CDC37L1: variants seen among roughly 807,000 people sequenced by gnomAD.
The protein encoded by CDC37L1 is cell division cycle 37 like 1, HSP90 cochaperone.
Under a neutral mutation model 45.9 loss-of-function variants are expected in CDC37L1, and 32 were observed. That is an observed-to-expected ratio of 0.70 (90% CI 0.53 to 0.94). The LOEUF is 0.94. Ranked by LOEUF, CDC37L1 falls within the 40% of genes least tolerant of loss-of-function variation. The pLI is 0.00. For missense variants in CDC37L1, 434 were observed against 405.7 expected (o/e 1.07, Z -0.60); for synonymous variants, 150 against 133.0 (o/e 1.13, Z -0.88).
At chr9:4,680,112 C>T (rs1355272757) in intron 1 of CDC37L1, among the ~76,000 whole-genome samples, 2 of 152,212 alleles carry the variant, frequency 1.3e-5, no homozygotes, top group Non-Finnish European at 2.9e-5. Flanking sequence ...CCAACCTCCA[C>T]CTCCACGCAC....
At chr9:4,683,898 A>T (rs1477711068) in intron 1 of CDC37L1, among the ~76,000 whole-genome samples, 1 of 152,244 alleles carries the variant, frequency 6.6e-6, no homozygotes, top group Admixed American at 6.5e-5. Context: ...TGTCTATCAC[A>T]GTACTTTACA....
At chr9:4,693,931 G>A (rs953474549) in intron 3 of CDC37L1, among the ~76,000 whole-genome samples, 1 of 152,216 alleles carries the variant, frequency 6.6e-6, no homozygotes, top group Non-Finnish European at 1.5e-5. Flanking sequence ...GGTGAAGCCA[G>A]TATTTGAACC....
Position 4,679,600 on chromosome 9 carries a change from C to A in CDC37L1, c.-168C>A, listed in dbSNP as rs1841165240. On this transcript the variant is annotated 5_prime_UTR_variant, in exon 1 of 7. It adds an upstream start codon to the 5' untranslated region. Coordinates refer to ENST00000381854, the MANE Select transcript of CDC37L1 (RefSeq NM_017913.4). ...CCGTCCGCCGGTGGCGAGGCCCAGG[C>A]TGTCGCCGGGTGTGCAGCGGCGTCG... 2 of 578,316 alleles carry A rather than the reference C, an allele frequency of 3.5e-6. No individual in the cohort carries two copies. The highest frequency in any genetic ancestry group is 5.9e-6 in the Non-Finnish European group (2 of 336,398). 35.8% of individuals were successfully genotyped at this position (578,316 alleles called of 1,614,324 possible).
intron 6 of CDC37L1, chr9:4,702,948 CA>C: frequency 2.3e-6 from 1 of 439,888 alleles, no homozygotes. Context: ...AAATTTACAT[CA>C]AAAAGGAGAC....
intron 5 of CDC37L1, among the ~76,000 whole-genome samples, chr9:4,698,534 T>C (rs1841368201): frequency 6.6e-6 from 1 of 151,658 alleles, no homozygotes; most frequent in East Asian, 1.9e-4. Flanking sequence ...ATTTAAAAGC[T>C]GCCCAAGAAG....
chr9:4,705,981 C>A (rs1480044824), intron 6 of CDC37L1, 30 bp from the exon 7 acceptor site: 2 of 1,071,694 alleles, frequency 1.9e-6, no homozygotes, highest in Non-Finnish European at 1.4e-6. Flanking sequence ...TTCTTTTTCT[C>A]CCCCCAATCT....
chr9:4,706,385 A>G lies in CDC37L1; in HGVS notation c.*273A>G. The G allele has an allele frequency of 4.3e-6, 1 of 234,432 alleles. No individual in the cohort carries two copies. Among genetic ancestry groups the G allele is most frequent in the Non-Finnish European group, 8.5e-6 (1 of 118,096 alleles). The allele number at this position is 234,432 out of a possible 1,614,324, so 14.5% of individuals were successfully genotyped here. A position where few individuals can be genotyped will look rare whatever the true frequency, so the allele number is the denominator to read the frequency against. ...ATTTGCTTTTAATCTTATTGTTCTC[A>G]ATTTTGGAATCAAGTATGAAAATCT... On this transcript the variant is annotated 3_prime_UTR_variant, in exon 7 of 7. Transcript: ENST00000381854.
chr9:4,685,075 C>T lies in CDC37L1; in HGVS notation c.331C>T (p.Arg111Ter). 6.2e-7 allele frequency: 1 copy of T among 1,613,356 alleles called. No individual in the cohort carries two copies. Among genetic ancestry groups the T allele is most frequent in the Non-Finnish European group, 8.5e-7 (1 of 1,179,472 alleles). The change falls in exon 2 of 7, where the codon CGA (arginine) becomes TGA (stop). Residue 111 changes from arginine (R) to a stop codon, truncating the protein, a stop_gained. Coordinates refer to ENST00000381854, the MANE Select transcript of CDC37L1 (RefSeq NM_017913.4). LOFTEE classifies it high-confidence loss of function. ...SELRQREEEWRQKEEALVQRE... is the reference protein window; with the variant it reads ...SELRQREEEW ...ACTGAGGCAACGGGAAGAAGAGTGG[C>T]GACAGAAAGAAGAAGCTCTAGTACA...
chr9:4,706,246 T>C lies in CDC37L1; in HGVS notation c.*134T>C, dbSNP rs554440739. 1.8e-4 allele frequency: 87 copies of C among 481,526 alleles called. 1 individual carries two copies. The highest frequency in any genetic ancestry group is 1.1e-3 in the South Asian group (25 of 23,492). The allele number at this position is 481,526 out of a possible 1,614,324, so 29.8% of individuals were successfully genotyped here. A position where few individuals can be genotyped will look rare whatever the true frequency, so the allele number is the denominator to read the frequency against. ...TGATGGGAGGGAAAGAGTACTGAAA[T>C]GTTTTGTAAATTTTTTTTAATGTGC... is the stretch of plus-strand genomic sequence containing the variant. On this transcript the variant is annotated 3_prime_UTR_variant, in exon 7 of 7. Coordinates refer to ENST00000381854, the MANE Select transcript of CDC37L1 (RefSeq NM_017913.4).
Position 4,702,042 on chromosome 9 carries a change from G to A in CDC37L1, c.912+14G>A, listed in dbSNP as rs757661602. ...TCCTTACCACAGGTAAGTTGGAAAA[G>A]TAAATATTTGTTTTATAAGCCTATT... On this transcript the variant is annotated intron_variant, in intron 6 of 6. Coordinates refer to ENST00000381854, the MANE Select transcript of CDC37L1 (RefSeq NM_017913.4). 111 of 1,294,068 alleles carry A rather than the reference G, an allele frequency of 8.6e-5. 1 individual carries two copies. The South Asian group carries it at 2.3e-3, about 26-fold the overall frequency. The allele number at this position is 1,294,068 out of a possible 1,614,324, so 80.2% of individuals were successfully genotyped here.
In CDC37L1 at chr9:4,706,002, T is replaced by C; in HGVS notation, c.913-9T>C. The C allele has an allele frequency of 7.0e-7, 1 of 1,423,392 alleles. No homozygotes were observed. Among genetic ancestry groups the C allele is most frequent in the Non-Finnish European group, 9.9e-7 (1 of 1,008,424 alleles). The allele number at this position is 1,423,392 out of a possible 1,614,324, so 88.2% of individuals were successfully genotyped here. A position where few individuals can be genotyped will look rare whatever the true frequency, so the allele number is the denominator to read the frequency against. ...TTCTCCCCCCAATCTACCTTTTCTT[T>C]TTCCCCAGAATCCAGATTATCTTCA... On this transcript the variant is annotated splice_polypyrimidine_tract_variant and intron_variant, in intron 6 of 6. Coordinates refer to ENST00000381854, the MANE Select transcript of CDC37L1 (RefSeq NM_017913.4).
chr9:4,684,577 A>G (rs535444046), intron 1 of CDC37L1, among the ~76,000 whole-genome samples: 3 of 152,300 alleles, frequency 2.0e-5, no homozygotes, highest in South Asian at 4.1e-4. Flanking sequence ...CTTGTTCAGG[A>G]TTATGAAGAC....
rs933227916 is a variant in CDC37L1, at chr9:4,707,033, G to A, written c.*921G>A. ...TTTTTGATGTAGCCTTTTAAAAAAG[G>A]AGTCTTAAAAATGATTTTTTTTTTA... On this transcript the variant is annotated 3_prime_UTR_variant, in exon 7 of 7. Coordinates refer to ENST00000381854, the MANE Select transcript of CDC37L1 (RefSeq NM_017913.4). 122 of 138,154 alleles carry A rather than the reference G, an allele frequency of 8.8e-4. 1 individual carries two copies. The highest frequency in any genetic ancestry group is 3.3e-3 in the African/African-American group (113 of 33,778). 8.6% of individuals were successfully genotyped at this position (138,154 alleles called of 1,614,324 possible). A position where few individuals can be genotyped will look rare whatever the true frequency, so the allele number is the denominator to read the frequency against.
chr9:4,686,460 T>A (rs1841248372), intron 2 of CDC37L1, among the ~76,000 whole-genome samples: 1 of 152,230 alleles, frequency 6.6e-6, no homozygotes. Context: ...CATCTTGTGT[T>A]ATTTTCTGTT....
At position 4,708,014 on chromosome 9, in the gene CDC37L1, A is replaced by C. The variant is rs1841461602; in HGVS notation, c.*1902A>C. The C allele has an allele frequency of 1.3e-5, 2 of 152,182 alleles. No individual in the cohort carries two copies. The highest frequency in any genetic ancestry group is 6.5e-5 in the Admixed American group (1 of 15,276). 9.4% of individuals were successfully genotyped at this position (152,182 alleles called of 1,614,324 possible). ...GGGCACTGAAAAGATGTTCTTTGAA[A>C]CTTGATTTATATATTTTTACTTGCA... is the stretch of plus-strand genomic sequence containing the variant. On this transcript the variant is annotated 3_prime_UTR_variant, in exon 7 of 7. Coordinates refer to ENST00000381854, the MANE Select transcript of CDC37L1 (RefSeq NM_017913.4).
At chr9:4,686,240 A>G (rs2130844386) in intron 2 of CDC37L1, among the ~76,000 whole-genome samples, 1 of 152,284 alleles carries the variant, frequency 6.6e-6, no homozygotes, top group South Asian at 2.1e-4. Flanking sequence ...CTTTCCCTGG[A>G]CCAGCTCTAG....
chr9:4,679,754 CG>C lies in CDC37L1; in HGVS notation c.-12del. ...TAGGGCCAAGGGCGGTTGTAGGACC[CG>C]GAGCAGCCGGACATGGAACAACCGT... On this transcript the variant is annotated 5_prime_UTR_variant, in exon 1 of 7. Coordinates refer to ENST00000381854, the MANE Select transcript of CDC37L1 (RefSeq NM_017913.4). The C allele has an allele frequency of 6.2e-7, 1 of 1,606,866 alleles. No individual in the cohort carries two copies.
At chr9:4,698,185 G>C (rs986732585) in intron 5 of CDC37L1, among the ~76,000 whole-genome samples, 1 of 152,016 alleles carries the variant, frequency 6.6e-6, no homozygotes, top group East Asian at 1.9e-4. Context: ...GCAAAGCACA[G>C]CTGTTTCAGA....
At chr9:4,693,719 A>C (rs2130849376) in intron 3 of CDC37L1, among the ~76,000 whole-genome samples, 1 of 152,362 alleles carries the variant, frequency 6.6e-6, no homozygotes, top group South Asian at 2.1e-4. Flanking sequence ...ATTATCCTTA[A>C]CCAAAGGATT....
Sources: allele counts gnomAD v4.1 joint callset (sites outside exome capture counted in the v4.1 genomes callset), GRCh38; gene constraint gnomAD v4.1.1; transcripts MANE v1.5; gene names NCBI Gene and HGNC (gene_info 2026-07-23, HGNC 2026-07-21).